The following LHPP variants were observed in gnomAD, a reference collection of about 807,000 sequenced individuals.
LHPP encodes phospholysine phosphohistidine inorganic pyrophosphate phosphatase.
In LHPP, 24 loss-of-function variants were observed where a neutral mutation model predicts 30.3. That is an observed-to-expected ratio of 0.79 (90% CI 0.57 to 1.11). The LOEUF (loss-of-function observed/expected upper bound fraction) is 1.11. LHPP is among the 50% of genes most tolerant of loss of function. The probability of loss-of-function intolerance (pLI) is 0.00; values close to 1 mark genes in which losing one functional copy is unlikely to be tolerated. For synonymous variants in LHPP, 150 were observed against 157.1 expected, an observed-to-expected ratio of 0.95 and a Z score of 0.34; for missense variants, 356 against 367.2, an observed-to-expected ratio of 0.97 and a Z score of 0.25.
chr10:124,598,317 G>A (rs1948976560), intron 6 of LHPP, among the ~76,000 whole-genome samples: 1 of 152,242 alleles, frequency 6.6e-6, no homozygotes, highest in Non-Finnish European at 1.5e-5. Flanking sequence ...GGTCCAGGGT[G>A]GCCCCTTGCC....
intron 6 of LHPP, among the ~76,000 whole-genome samples, chr10:124,582,507 A>G (rs557263971): frequency 6.6e-6 from 1 of 152,350 alleles, no homozygotes; most frequent in South Asian, 2.1e-4. Context: ...TGACCCTTGA[A>G]TAACATGGGA....
At chr10:124,538,862 C>G (rs914703148) in intron 6 of LHPP, among the ~76,000 whole-genome samples, 2 of 152,208 alleles carry the variant, frequency 1.3e-5, no homozygotes, top group African/African-American at 4.8e-5. Flanking sequence ...CTCTCACAGC[C>G]ACTCAGCTCC....
At chr10:124,606,486 T>A (rs1949094277) in intron 6 of LHPP, among the ~76,000 whole-genome samples, 1 of 73,536 alleles carries the variant, frequency 1.4e-5, no homozygotes, top group Non-Finnish European at 3.0e-5. Context: ...ATGGTGGAGG[T>A]GGGAGGGGGC....
At chr10:124,612,184 A>T (rs1949210868) in intron 6 of LHPP, among the ~76,000 whole-genome samples, 1 of 152,118 alleles carries the variant, frequency 6.6e-6, no homozygotes, top group African/African-American at 2.4e-5. Flanking sequence ...CGGGCAAATC[A>T]CTTGAGGTCA....
chr10:124,521,758 G>C (rs558774663), intron 6 of LHPP, among the ~76,000 whole-genome samples: 3 of 152,342 alleles, frequency 2.0e-5, no homozygotes, highest in Admixed American at 2.0e-4. Flanking sequence ...GCACCAGGAA[G>C]GGGGAGAAGC....
intron 6 of LHPP, among the ~76,000 whole-genome samples, chr10:124,542,278 G>C (rs927744364): frequency 2.0e-5 from 3 of 152,188 alleles, no homozygotes; most frequent in Non-Finnish European, 4.4e-5. Flanking sequence ...GCCACCAAGC[G>C]CCTTCACTTA....
At chr10:124,578,842 A>G (rs1422357386) in intron 6 of LHPP, among the ~76,000 whole-genome samples, 1 of 152,214 alleles carries the variant, frequency 6.6e-6, no homozygotes, top group East Asian at 1.9e-4. Context: ...TGACTGTGGA[A>G]AAAAGCTCTT....
At position 124,569,359 on chromosome 10, in the gene LHPP, C is replaced by T. The variant is rs566993793; in HGVS notation, c.717-43905C>T. Among the ~76,000 whole-genome samples the T allele has an allele frequency of 3.9e-5, 6 of 152,262 alleles. No individual in the cohort carries two copies. The South Asian group carries it at 1.0e-3, about 26-fold the overall frequency. ...CCGTCAGTTGTCTGTCGGGCTGTGT[C>T]GCACAGTGGCCCCTCGGGACAGCCT... On this transcript the variant is annotated intron_variant, in intron 6 of 6. Transcript: ENST00000368842.
chr10:124,473,015 G>A (rs1462795870), intron 1 of LHPP, among the ~76,000 whole-genome samples: 3 of 151,726 alleles, frequency 2.0e-5, no homozygotes, highest in Admixed American at 2.0e-4. Flanking sequence ...CTGCTGGCAG[G>A]AGTAAGGTCT....
chr10:124,526,997 C>G (rs1050206016), intron 6 of LHPP, among the ~76,000 whole-genome samples: 4 of 152,226 alleles, frequency 2.6e-5, no homozygotes, highest in Non-Finnish European at 4.4e-5. Flanking sequence ...GTTCTCTAAC[C>G]TTAACATGAA....
At chr10:124,600,376 GGGTGGGGGGC>G (rs1949005596) in intron 6 of LHPP, among the ~76,000 whole-genome samples, 1 of 152,290 alleles carries the variant, frequency 6.6e-6, no homozygotes, top group African/African-American at 2.4e-5. Context: ...GACTGGGGCA[GGGTGGGGGGC>G]TCGCCTCTTA....
At chr10:124,589,036 G>A (rs1360851719) in intron 6 of LHPP, among the ~76,000 whole-genome samples, 1 of 152,162 alleles carries the variant, frequency 6.6e-6, no homozygotes, top group African/African-American at 2.4e-5. Context: ...TGAGGGCTCC[G>A]AGATGATCTC....
At chr10:124,499,181 C>A (rs967673179) in intron 5 of LHPP, among the ~76,000 whole-genome samples, 1 of 151,816 alleles carries the variant, frequency 6.6e-6, no homozygotes, top group Non-Finnish European at 1.5e-5. Context: ...TGCCCAGCCC[C>A]GGCTAACTTT....
At chr10:124,545,436 G>A (rs745457403) in intron 6 of LHPP, among the ~76,000 whole-genome samples, 3 of 152,330 alleles carry the variant, frequency 2.0e-5, no homozygotes, top group Middle Eastern at 3.4e-3. Flanking sequence ...CCCCTGCAGC[G>A]GTGCCCACGG....
At chr10:124,530,638 G>A (rs1054850741) in intron 6 of LHPP, among the ~76,000 whole-genome samples, 24 of 152,086 alleles carry the variant, frequency 1.6e-4, no homozygotes, top group African/African-American at 4.3e-4. Flanking sequence ...CCCAGATGCC[G>A]CACCACCCCC....
At chr10:124,500,410 T>G (rs904860988) in intron 5 of LHPP, among the ~76,000 whole-genome samples, 4 of 152,118 alleles carry the variant, frequency 2.6e-5, no homozygotes, top group Non-Finnish European at 5.9e-5. Context: ...AGGTGGAGGT[T>G]GCAGTGAGCC....
intron 6 of LHPP, among the ~76,000 whole-genome samples, chr10:124,602,255 C>T (rs1400385156): frequency 6.6e-6 from 1 of 152,240 alleles, no homozygotes; most frequent in Non-Finnish European, 1.5e-5. Flanking sequence ...CTGTTCATCT[C>T]TGGGGGTCTC....
At position 124,523,252 on chromosome 10, in the gene LHPP, G is replaced by A. The variant is rs1358286936; in HGVS notation, c.716+5981G>A. Among the ~76,000 whole-genome samples, 1 of 152,214 alleles carries A rather than the reference G, an allele frequency of 6.6e-6. No individual in the cohort carries two copies. Among genetic ancestry groups the A allele is most frequent in the Non-Finnish European group, 1.5e-5 (1 of 68,036 alleles). Reference sequence around the variant, plus strand: ...GAAAGTTTCCTGGACCGTGATTCCCGACATCCTGCAAGGTCCCTTCTAGCT... The same window carrying A: ...GAAAGTTTCCTGGACCGTGATTCCCAACATCCTGCAAGGTCCCTTCTAGCT... On this transcript the variant is annotated intron_variant, in intron 6 of 6. Transcript: ENST00000368842. This position sits in a 1 kb window ranked among gnomAD's most constrained non-coding sequence, Gnocchi z 4.2.
intron 1 of LHPP, among the ~76,000 whole-genome samples, chr10:124,481,117 G>A (rs1216723938): frequency 6.6e-6 from 1 of 152,174 alleles, no homozygotes; most frequent in Non-Finnish European, 1.5e-5. Flanking sequence ...GACCCGAATA[G>A]ATTCATCCCT....
Sources: gnomAD v4.1 joint callset for allele counts (sites outside exome capture counted in the v4.1 genomes callset) on GRCh38, gnomAD v4.1.1 for gene constraint, Gnocchi (gnomAD v3.1) non-coding constraint, MANE v1.5 for transcripts, NCBI Gene and HGNC (gene_info 2026-07-23, HGNC 2026-07-21) for gene names.